Variants in TMEM177 observed in about 807,000 individuals in gnomAD.
The protein encoded by TMEM177 is transmembrane protein 177.
A neutral mutation model predicts 14.2 loss-of-function variants in TMEM177; 4 were observed. The observed-to-expected ratio is 0.28, with a 90% CI of 0.14 to 0.64. The LOEUF (loss-of-function observed/expected upper bound fraction) is 0.64, where lower values mean the gene tolerates loss of function less well. Among genes scored for constraint, TMEM177 ranks in the 30% least tolerant of loss-of-function variants. The pLI is 0.82. For missense variants in TMEM177, 344 were observed against 405.2 expected (o/e 0.85, Z 1.30); for synonymous variants, 179 against 174.5 (o/e 1.03, Z -0.20).
At chr2:119,695,644 T>G in the TMEM177 span, among the ~76,000 whole-genome samples, 1 of 152,264 alleles carries the variant, frequency 6.6e-6, no homozygotes, top group East Asian at 1.9e-4. Context: ...GCACCCGCTA[T>G]GTACAAGCCA....
downstream of TMEM177, among the ~76,000 whole-genome samples, chr2:119,683,355 G>C (rs748376911): frequency 2.2e-4 from 34 of 152,318 alleles, no homozygotes; most frequent in Admixed American, 9.1e-4. Flanking sequence ...GGCAGTGGCT[G>C]GGTGAACCAG....
chr2:119,686,731 A>AT (rs113743552), downstream of TMEM177, among the ~76,000 whole-genome samples: 2,329 of 149,466 alleles, frequency 0.016, 24 homozygotes, highest in Non-Finnish European at 0.021. Context: ...TGCCCAGCTA[A>AT]TTTTTTTTTT....
chr2:119,684,434 C>T (rs1024572876), downstream of TMEM177, among the ~76,000 whole-genome samples: 5 of 152,162 alleles, frequency 3.3e-5, no homozygotes, highest in African/African-American at 7.2e-5. Context: ...ATTAAGTTAC[C>T]GTGGAGCTAG....
the TMEM177 span, among the ~76,000 whole-genome samples, chr2:119,707,775 C>T: frequency 0.021 from 3,134 of 152,314 alleles, 43 homozygotes; most frequent in Non-Finnish European, 0.032. Context: ...CCATGCCACT[C>T]GCCCCTCCCC....
chr2:119,700,020 A>G, the TMEM177 span: 4 of 313,662 alleles, frequency 1.3e-5, no homozygotes, highest in Non-Finnish European at 2.5e-5. Flanking sequence ...TAACCCACAC[A>G]TGAGCTCTCC....
Position 119,681,309 on chromosome 2 carries a change from C to T in TMEM177, c.456C>T (p.Phe152=), listed in dbSNP as rs368913671. Reference sequence around the variant, plus strand: ...CCTTGTCCCGTGAAGCCCAGAAGTTCGCCTTGGCCAGGGAAGTGGTGTACC... The same window carrying T: ...CCTTGTCCCGTGAAGCCCAGAAGTTTGCCTTGGCCAGGGAAGTGGTGTACC... ...SLTLSREAQK[F]ALAREVVYLE... The change falls in exon 2 of 2, where the codon TTC becomes TTT. Residue 152 remains phenylalanine, a synonymous_variant. Coordinates refer to ENST00000272521, the MANE Select transcript of TMEM177 (RefSeq NM_030577.3). 3.7e-6 allele frequency: 6 copies of T among 1,614,236 alleles called. No individual in the cohort carries two copies. Among genetic ancestry groups the T allele is most frequent in the South Asian group, 2.2e-5 (2 of 91,088 alleles).
chr2:119,701,327 T>C, the TMEM177 span, among the ~76,000 whole-genome samples: 1 of 152,138 alleles, frequency 6.6e-6, no homozygotes, highest in African/African-American at 2.4e-5. Flanking sequence ...AGAGAGGAAG[T>C]TGAGCCAGGC....
At chr2:119,687,485 A>G (rs1689033432), downstream of TMEM177, among the ~76,000 whole-genome samples, 1 of 152,200 alleles carries the variant, frequency 6.6e-6, no homozygotes, top group Non-Finnish European at 1.5e-5. Context: ...ACCTTTTCAC[A>G]GGGCAACAGG....
chr2:119,706,946 CTG>C, the TMEM177 span, among the ~76,000 whole-genome samples: 1 of 152,010 alleles, frequency 6.6e-6, no homozygotes, highest in Admixed American at 6.6e-5. Flanking sequence ...GAGTCTCGCA[CTG>C]TCACTCAAGC....
the TMEM177 span, among the ~76,000 whole-genome samples, chr2:119,712,402 T>G: frequency 6.6e-6 from 1 of 152,040 alleles, no homozygotes; most frequent in Non-Finnish European, 1.5e-5. Context: ...GGGCCGTATT[T>G]GGAGGTAAGG....
In TMEM177 at chr2:119,681,953, G is replaced by A. The variant is rs1034934143; in HGVS notation, c.*164G>A. On this transcript the variant is annotated 3_prime_UTR_variant, in exon 2 of 2. Coordinates refer to ENST00000272521, the MANE Select transcript of TMEM177 (RefSeq NM_030577.3). ...ACTATAACCACTACTTATGAACTCA[G>A]GGACTATGAGGGACTATTCAGGGGC... The A allele has an allele frequency of 1.8e-5, 11 of 627,660 alleles. No individual in the cohort carries two copies. Among genetic ancestry groups the A allele is most frequent in the Non-Finnish European group, 2.8e-5 (10 of 351,766 alleles). The allele number at this position is 627,660 out of a possible 1,614,324, so 38.9% of individuals were successfully genotyped here. A position where few individuals can be genotyped will look rare whatever the true frequency, so the allele number is the denominator to read the frequency against.
the TMEM177 span, among the ~76,000 whole-genome samples, chr2:119,702,073 C>G: frequency 6.6e-6 from 1 of 152,238 alleles, no homozygotes; most frequent in Admixed American, 6.5e-5. Flanking sequence ...GACCCCTAAA[C>G]TGTAATTTCT....
At chr2:119,708,644 GACACACACACACACAC>G in the TMEM177 span, among the ~76,000 whole-genome samples, 3 of 146,844 alleles carry the variant, frequency 2.0e-5, no homozygotes, top group African/African-American at 7.5e-5. Flanking sequence ...ATCACACGCA[GACACACACACACACAC>G]ACACACACAC....
chr2:119,704,439 A>T, the TMEM177 span, among the ~76,000 whole-genome samples: 2 of 152,214 alleles, frequency 1.3e-5, no homozygotes, highest in Non-Finnish European at 2.9e-5. Context: ...CTGTACTAAA[A>T]ATACAAAAAT....
downstream of TMEM177, among the ~76,000 whole-genome samples, chr2:119,689,742 C>T (rs774634408): frequency 2.6e-5 from 4 of 152,122 alleles, no homozygotes; most frequent in African/African-American, 4.8e-5. Flanking sequence ...CTGTACCAAG[C>T]CAGGAATGAG....
At chr2:119,695,506 G>A in the TMEM177 span, among the ~76,000 whole-genome samples, 8 of 152,308 alleles carry the variant, frequency 5.3e-5, no homozygotes, top group East Asian at 1.4e-3. Context: ...CACCTGGTCC[G>A]CTGGAGTGCT....
the TMEM177 span, among the ~76,000 whole-genome samples, chr2:119,704,086 C>G: frequency 6.6e-6 from 1 of 152,180 alleles, no homozygotes; most frequent in Non-Finnish European, 1.5e-5. Flanking sequence ...TCACTAAACC[C>G]TCACAGCAAT....
chr2:119,720,227 A>T, the TMEM177 span, among the ~76,000 whole-genome samples: 5 of 152,200 alleles, frequency 3.3e-5, no homozygotes, highest in Admixed American at 1.3e-4. Context: ...AAAAAAAGAA[A>T]ATCAGTAATG....
chr2:119,695,425 C>G, the TMEM177 span, among the ~76,000 whole-genome samples: 2 of 152,248 alleles, frequency 1.3e-5, no homozygotes, highest in South Asian at 4.1e-4. Context: ...GTCTGTCTCT[C>G]CCAACTGGGC....
Sources: gnomAD v4.1 joint callset for allele counts (sites outside exome capture counted in the v4.1 genomes callset) on GRCh38, gnomAD v4.1.1 for gene constraint, MANE v1.5 for transcripts, NCBI Gene and HGNC (gene_info 2026-07-23, HGNC 2026-07-21) for gene names.